The following IRF2BP1 variants were observed in gnomAD, a reference collection of about 807,000 sequenced individuals.
IRF2BP1 encodes interferon regulatory factor 2-binding protein 1.
IRF2BP1 carries 9 observed loss-of-function variants against 38.6 expected under a neutral mutation model. The observed-to-expected ratio is 0.23, with a 90% confidence interval of 0.14 to 0.41. The LOEUF is 0.41. Among genes scored for constraint, IRF2BP1 ranks in the 10% least tolerant of loss-of-function variants. IRF2BP1 has a pLI of 1.00. For missense variants in IRF2BP1, 631 were observed against 829.6 expected (o/e 0.76, Z 2.94); for synonymous variants, 416 against 383.4 (o/e 1.08, Z -0.99).
chr19:45,885,372 G>C lies in IRF2BP1; in HGVS notation c.403C>G (p.Arg135Gly). 1.2e-6 allele frequency: 2 copies of C among 1,608,758 alleles called. No individual in the cohort carries two copies. The highest frequency in any genetic ancestry group is 8.5e-7 in the Non-Finnish European group (1 of 1,179,346). ...SPALEYTLGS[R>G]LANGLGREEA... is the part of the protein sequence containing the mutation. ...TCACGGCCCAGCCCATTGGCCAGGCGGGACCCCAGAGTGTACTCCAGGGCG... is the reference window on the plus strand; with the variant it reads ...TCACGGCCCAGCCCATTGGCCAGGCCGGACCCCAGAGTGTACTCCAGGGCG... Residue 135 changes from arginine to glycine, a missense_variant, in exon 1 of 1, where the codon CGC (arginine) becomes GGC (glycine). Physicochemically the swap from Arg to Gly is moderately radical, Grantham distance 125. Transcript: ENST00000302165.
At position 45,884,212 on chromosome 19, in the gene IRF2BP1, C is replaced by T. The variant is rs1339669377; in HGVS notation, c.1563G>A (p.Val521=). Reference sequence around the variant, plus strand: ...AGGGAAAGCAGAACTTGTGTCCGGGCACCGAGGGGCACTGGACGAAGTGGG... The same window carrying T: ...AGGGAAAGCAGAACTTGTGTCCGGGTACCGAGGGGCACTGGACGAAGTGGG... ...EDTHFVQCPS[V]PGHKFCFPCS... Residue 521 remains valine (V), a synonymous_variant, in exon 1 of 1, where the codon GTG becomes GTA. Coordinates refer to ENST00000302165, the MANE Select transcript of IRF2BP1 (RefSeq NM_015649.3). 2 of 1,611,610 alleles carry T rather than the reference C, an allele frequency of 1.2e-6. No homozygotes were observed. Among genetic ancestry groups the T allele is most frequent in the East Asian group, 2.2e-5 (1 of 44,874 alleles).
At position 45,885,855 on chromosome 19, in the gene IRF2BP1, G is replaced by GT; in HGVS notation, c.-82dup. 7.2e-7 allele frequency: 1 copy of GT among 1,398,498 alleles called. No individual in the cohort carries two copies. The highest frequency in any genetic ancestry group is 9.3e-7 in the Non-Finnish European group (1 of 1,077,542). The allele number at this position is 1,398,498 out of a possible 1,614,324, so 86.6% of individuals were successfully genotyped here. On this transcript the variant is annotated 5_prime_UTR_variant, in exon 1 of 1. Coordinates refer to ENST00000302165, the MANE Select transcript of IRF2BP1 (RefSeq NM_015649.3). ...TCCGCGCCGCCAACGTTCGATCCGC[G>GT]TCCCGGGGACAGCGCGAGCCACGGT... is the stretch of plus-strand genomic sequence containing the variant.
Position 45,884,303 on chromosome 19 carries a change from C to A in IRF2BP1, c.1472G>T (p.Ser491Ile). 6.2e-7 allele frequency: 1 copy of A among 1,610,280 alleles called. No homozygotes were observed. The highest frequency in any genetic ancestry group is 8.5e-7 in the Non-Finnish European group (1 of 1,179,072). The change falls in exon 1 of 1, where the codon AGC becomes ATC. Residue 491 changes from serine to isoleucine, a missense_variant. Ser to Ile is a moderately radical substitution (Grantham distance 142). Around this residue, in one of 5 missense-constraint regions of IRF2BP1, gnomAD observed 201 missense variants for 215.3 expected, o/e 0.93. Coordinates refer to ENST00000302165, the MANE Select transcript of IRF2BP1 (RefSeq NM_015649.3). ...GGCCCCAGGGGTCGCCCCAGTGCCG[C>A]TGCCACCCCCGCTGACAGCTTCGGC... is the stretch of plus-strand genomic sequence containing the variant. ...AGAEAVSGGG[S>I]GTGATPGAPL...
At position 45,883,685 on chromosome 19, in the gene IRF2BP1, T is replaced by C. The variant is rs1240434374; in HGVS notation, c.*335A>G. 1 of 263,712 alleles carries C rather than the reference T, an allele frequency of 3.8e-6. No individual in the cohort carries two copies. Among genetic ancestry groups the C allele is most frequent in the Non-Finnish European group, 7.2e-6 (1 of 139,570 alleles). 16.3% of individuals were successfully genotyped at this position (263,712 alleles called of 1,614,324 possible). ...GTGGGGGGGTGGGAATTAAATGCTT[T>C]TGCCTCGTTTATAAAGAGCGAGTTT... On this transcript the variant is annotated 3_prime_UTR_variant, in exon 1 of 1. Transcript: ENST00000302165.
rs1967045114 is a variant in IRF2BP1 at position 45,885,551 on chromosome 19, G to C, written c.224C>G (p.Pro75Arg). ...RSPGPPALKH[P>R]ATKDLAAAAA... is the part of the protein sequence containing the mutation. The stretch of plus-strand genomic sequence containing the variant: ...TGCCGCCGCCAGGTCCTTGGTGGCC[G>C]GGTGCTTAAGGGCCGGGGGCCCGGG... The change falls in exon 1 of 1, where the codon CCG (proline) becomes CGG (arginine). Residue 75 changes from proline to arginine, a missense_variant. Around this residue, in one of 5 missense-constraint regions of IRF2BP1, gnomAD observed 206 missense variants for 207.0 expected, o/e 1.00. Transcript: ENST00000302165. 12 of 1,441,428 alleles carry C rather than the reference G, an allele frequency of 8.3e-6. No individual in the cohort carries two copies. Among genetic ancestry groups the C allele is most frequent in the Non-Finnish European group, 9.1e-6 (10 of 1,103,234 alleles). The allele number at this position is 1,441,428 out of a possible 1,614,324, so 89.3% of individuals were successfully genotyped here.
chr19:45,885,671 C>A lies in IRF2BP1; in HGVS notation c.104G>T (p.Gly35Val). 6.3e-7 allele frequency: 1 copy of A among 1,583,752 alleles called. No homozygotes were observed. The change falls in exon 1 of 1, where the codon GGC becomes GTC. Residue 35 changes from glycine to valine, a missense_variant. This residue lies in a region of IRF2BP1 where 33 missense variants were observed against 66.8 expected (regional missense o/e 0.49). Transcript: ENST00000302165. Reference protein sequence around the residue: ...VWDFSEAVCRGCVNFEGADRI... With the variant: ...VWDFSEAVCRVCVNFEGADRI... The stretch of plus-strand genomic sequence containing the variant: ...GTCCGCGCCCTCGAAGTTCACGCAG[C>A]CGCGACACACGGCCTCGCTGAAGTC...
Position 45,883,933 on chromosome 19 carries a change from TGGGCTGGGTC to T in IRF2BP1, c.*77_*86del, listed in dbSNP as rs896267144. ...GTATGTACACAGATAGAGGTGGCACTGGGCTGGGTCGGGGAGGGAATAATTTATCCGCGGC... is the reference window on the plus strand; with the variant it reads ...GTATGTACACAGATAGAGGTGGCACTGGGGAGGGAATAATTTATCCGCGGC... On this transcript the variant is annotated 3_prime_UTR_variant, in exon 1 of 1. Coordinates refer to ENST00000302165, the MANE Select transcript of IRF2BP1 (RefSeq NM_015649.3). The T allele has an allele frequency of 9.7e-5, 126 of 1,301,452 alleles. No individual in the cohort carries two copies. The highest frequency in any genetic ancestry group is 1.4e-5 in the Non-Finnish European group (14 of 966,826). The allele number at this position is 1,301,452 out of a possible 1,614,324, so 80.6% of individuals were successfully genotyped here.
In IRF2BP1 at chr19:45,883,917, CAGAT is replaced by C; in HGVS notation, c.*99_*102del. The C allele has an allele frequency of 8.9e-7, 1 of 1,127,508 alleles. No individual in the cohort carries two copies. 69.8% of individuals were successfully genotyped at this position (1,127,508 alleles called of 1,614,324 possible). On this transcript the variant is annotated 3_prime_UTR_variant, in exon 1 of 1. Transcript: ENST00000302165. ...TGGGTGGAAGAAGGGAGTATGTACACAGATAGAGGTGGCACTGGGCTGGGTCGGG... is the reference window on the plus strand; with the variant it reads ...TGGGTGGAAGAAGGGAGTATGTACACAGAGGTGGCACTGGGCTGGGTCGGG...
chr19:45,885,545 G>C lies in IRF2BP1; in HGVS notation c.230C>G (p.Thr77Ser). Residue 77 changes from threonine (T) to serine (S), a missense_variant, in exon 1 of 1, where the codon ACC (threonine) becomes AGC (serine). Around this residue, in one of 5 missense-constraint regions of IRF2BP1, gnomAD observed 206 missense variants for 207.0 expected, o/e 1.00. Coordinates refer to ENST00000302165, the MANE Select transcript of IRF2BP1 (RefSeq NM_015649.3). ...TGCGGCTGCCGCCGCCAGGTCCTTG[G>C]TGGCCGGGTGCTTAAGGGCCGGGGG... ...PGPPALKHPA[T>S]KDLAAAAAQG... is the part of the protein sequence containing the mutation. 7.0e-7 allele frequency: 1 copy of C among 1,437,402 alleles called. No individual in the cohort carries two copies. Among genetic ancestry groups the C allele is most frequent in the Non-Finnish European group, 9.1e-7 (1 of 1,102,016 alleles). The allele number at this position is 1,437,402 out of a possible 1,614,324, so 89.0% of individuals were successfully genotyped here.
Position 45,884,408 on chromosome 19 carries a change from G to C in IRF2BP1, c.1367C>G (p.Ala456Gly), listed in dbSNP as rs772544726. 1 of 1,600,958 alleles carries C rather than the reference G, an allele frequency of 6.2e-7. No homozygotes were observed. ...PVRAGGASPA[A>G]SSTAQPPTQH... Reference sequence around the variant, plus strand: ...GGTTGGCGGCTGGGCCGTGGAGGAGGCTGCAGGGCTGGCGCCCCCTGCACG... The same window carrying C: ...GGTTGGCGGCTGGGCCGTGGAGGAGCCTGCAGGGCTGGCGCCCCCTGCACG... Residue 456 changes from alanine (A) to glycine (G), a missense_variant, in exon 1 of 1, where the codon GCC becomes GGC. Physicochemically the swap from Ala to Gly is moderately conservative, Grantham distance 60. Around this residue, in one of 5 missense-constraint regions of IRF2BP1, gnomAD observed 201 missense variants for 215.3 expected, o/e 0.93. Coordinates refer to ENST00000302165, the MANE Select transcript of IRF2BP1 (RefSeq NM_015649.3).
Position 45,884,404 on chromosome 19 carries a change from G to A in IRF2BP1, c.1371C>T (p.Ser457=), listed in dbSNP as rs1967027807. 1.2e-6 allele frequency: 2 copies of A among 1,601,870 alleles called. No individual in the cohort carries two copies. Among genetic ancestry groups the A allele is most frequent in the Non-Finnish European group, 1.7e-6 (2 of 1,178,372 alleles). Residue 457 remains serine (S), a synonymous_variant, in exon 1 of 1, where the codon TCC becomes TCT. Coordinates refer to ENST00000302165, the MANE Select transcript of IRF2BP1 (RefSeq NM_015649.3). ...GCTGGGTTGGCGGCTGGGCCGTGGA[G>A]GAGGCTGCAGGGCTGGCGCCCCCTG... ...VRAGGASPAA[S]STAQPPTQHR... is the part of the protein sequence containing the mutation.
rs767691198 is a variant in IRF2BP1, at chr19:45,885,409, G to T, written c.366C>A (p.Pro122=). The change falls in exon 1 of 1, where the codon CCC becomes CCA. Residue 122 remains proline, a synonymous_variant. Transcript: ENST00000302165. ...TGTACTCCAGGGCGGGCGAGGGCAGGGGGAGGCGGCCTGATGATGTGGCCC... is the reference window on the plus strand; with the variant it reads ...TGTACTCCAGGGCGGGCGAGGGCAGTGGGAGGCGGCCTGATGATGTGGCCC... ...YDRATSSGRL[P]LPSPALEYTL... is the part of the protein sequence containing the mutation. The T allele has an allele frequency of 1.9e-6, 3 of 1,590,324 alleles. No individual in the cohort carries two copies. The Admixed American group carries it at 5.1e-5, about 27-fold the overall frequency.
rs1967019494 is a variant in IRF2BP1, at chr19:45,883,851, T to C, written c.*169A>G. 3.4e-6 allele frequency: 2 copies of C among 585,320 alleles called. No individual in the cohort carries two copies. The highest frequency in any genetic ancestry group is 3.8e-5 in the African/African-American group (2 of 52,444). The allele number at this position is 585,320 out of a possible 1,614,324, so 36.3% of individuals were successfully genotyped here. A position where few individuals can be genotyped will look rare whatever the true frequency, so the allele number is the denominator to read the frequency against. On this transcript the variant is annotated 3_prime_UTR_variant, in exon 1 of 1. Transcript: ENST00000302165. ...CCCCTCGGACAGGAGCCACAAGCTT[T>C]CTCCCCCCACCCACAATGCATCTAC...
chr19:45,884,319 C>G lies in IRF2BP1; in HGVS notation c.1456G>C (p.Val486Leu), dbSNP rs1568637877. Residue 486 changes from valine to leucine, a missense_variant, in exon 1 of 1, where the codon GTC becomes CTC. Around this residue, in one of 5 missense-constraint regions of IRF2BP1, gnomAD observed 201 missense variants for 215.3 expected, o/e 0.93. Coordinates refer to ENST00000302165, the MANE Select transcript of IRF2BP1 (RefSeq NM_015649.3). ...CCAGTGCCGCTGCCACCCCCGCTGACAGCTTCGGCCCCCGCTGTGGGACTG... is the reference window on the plus strand; with the variant it reads ...CCAGTGCCGCTGCCACCCCCGCTGAGAGCTTCGGCCCCCGCTGTGGGACTG... ...EVSPTAGAEA[V>L]SGGGSGTGAT... 3.7e-6 allele frequency: 6 copies of G among 1,610,204 alleles called. No individual in the cohort carries two copies. Among genetic ancestry groups the G allele is most frequent in the Non-Finnish European group, 4.2e-6 (5 of 1,179,244 alleles).
chr19:45,885,585 C>A lies in IRF2BP1; in HGVS notation c.190G>T (p.Gly64Cys). The change falls in exon 1 of 1, where the codon GGC becomes TGC. Residue 64 changes from glycine (G) to cysteine (C), a missense_variant. Around this residue, in one of 5 missense-constraint regions of IRF2BP1, gnomAD observed 206 missense variants for 207.0 expected, o/e 1.00. Coordinates refer to ENST00000302165, the MANE Select transcript of IRF2BP1 (RefSeq NM_015649.3). ...AGGGCCGGGGGCCCGGGCGAGCGGCCCTCGGGGAGCACGTGGCTGCGCTTG... is the reference window on the plus strand; with the variant it reads ...AGGGCCGGGGGCCCGGGCGAGCGGCACTCGGGGAGCACGTGGCTGCGCTTG... ...QLKRSHVLPE[G>C]RSPGPPALKH... The A allele has an allele frequency of 1.3e-6, 2 of 1,506,938 alleles. No individual in the cohort carries two copies. Among genetic ancestry groups the A allele is most frequent in the South Asian group, 1.2e-5 (1 of 80,942 alleles). The allele number at this position is 1,506,938 out of a possible 1,614,324, so 93.3% of individuals were successfully genotyped here. A position where few individuals can be genotyped will look rare whatever the true frequency, so the allele number is the denominator to read the frequency against.
In IRF2BP1 at chr19:45,884,679, G is replaced by T; in HGVS notation, c.1096C>A (p.Pro366Thr). ...AGGTTCCGGGATGGGGCTCGCGGGG[G>T]TGGGCCACAGAGAGCCGCAGGGGCC... ...EPAPAALCGP[P>T]PRAPSRNLAP... is the part of the protein sequence containing the mutation. Residue 366 changes from proline (P) to threonine (T), a missense_variant, in exon 1 of 1, where the codon CCC becomes ACC. Transcript: ENST00000302165. 6.2e-7 allele frequency: 1 copy of T among 1,604,572 alleles called. No homozygotes were observed.
At position 45,884,750 on chromosome 19, in the gene IRF2BP1, C is replaced by A. The variant is rs1198599204; in HGVS notation, c.1025G>T (p.Arg342Leu). 6.2e-7 allele frequency: 1 copy of A among 1,611,496 alleles called. No individual in the cohort carries two copies. Residue 342 changes from arginine (R) to leucine (L), a missense_variant, in exon 1 of 1, where the codon CGC becomes CTC. Arg to Leu is a moderately radical substitution (Grantham distance 102). Around this residue, in one of 5 missense-constraint regions of IRF2BP1, gnomAD observed 133 missense variants for 232.2 expected, o/e 0.57. Coordinates refer to ENST00000302165, the MANE Select transcript of IRF2BP1 (RefSeq NM_015649.3). ...CAGGGCCTCCGCGGGAGCTGGCTCG[C>A]GGAAGCTGCGGACGCCGTCGGTAAG... ...ELLTDGVRSF[R>L]EPAPAEALPQ...
Position 45,885,662 on chromosome 19 carries a change from T to C in IRF2BP1, c.113A>G (p.Asn38Ser). 1 of 1,582,278 alleles carries C rather than the reference T, an allele frequency of 6.3e-7. No individual in the cohort carries two copies. Among genetic ancestry groups the C allele is most frequent in the Non-Finnish European group, 8.5e-7 (1 of 1,173,200 alleles). ...FSEAVCRGCV[N>S]FEGADRIELL... ...TTCGATGCGGTCCGCGCCCTCGAAG[T>C]TCACGCAGCCGCGACACACGGCCTC... is the stretch of plus-strand genomic sequence containing the variant. Residue 38 changes from asparagine (N) to serine (S), a missense_variant, in exon 1 of 1, where the codon AAC (asparagine) becomes AGC (serine). Around this residue, in one of 5 missense-constraint regions of IRF2BP1, gnomAD observed 33 missense variants for 66.8 expected, o/e 0.49. Coordinates refer to ENST00000302165, the MANE Select transcript of IRF2BP1 (RefSeq NM_015649.3).
chr19:45,885,640 G>C lies in IRF2BP1; in HGVS notation c.135C>G (p.Ile45Met), dbSNP rs1423422377. ...GGCGGGCGGCATCGATGAGCAGTTC[G>C]ATGCGGTCCGCGCCCTCGAAGTTCA... ...GCVNFEGADR[I>M]ELLIDAARQL... Residue 45 changes from isoleucine to methionine, a missense_variant, in exon 1 of 1, where the codon ATC (isoleucine) becomes ATG (methionine). By Grantham distance (10) the Ile-to-Met change is conservative. Around this residue, in one of 5 missense-constraint regions of IRF2BP1, gnomAD observed 206 missense variants for 207.0 expected, o/e 1.00. Coordinates refer to ENST00000302165, the MANE Select transcript of IRF2BP1 (RefSeq NM_015649.3). 6.4e-7 allele frequency: 1 copy of C among 1,568,912 alleles called. No individual in the cohort carries two copies. The highest frequency in any genetic ancestry group is 1.1e-5 in the South Asian group (1 of 87,326).
Sources: gnomAD v4.1 joint callset for allele counts on GRCh38, gnomAD v4.1.1 for gene constraint, gnomAD v4.1.1 regional missense constraint, MANE v1.5 for transcripts, NCBI Gene and HGNC (gene_info 2026-07-23, HGNC 2026-07-21) for gene names.